The following KCTD3 variants were observed in gnomAD, a reference collection of about 807,000 sequenced individuals.
KCTD3 encodes BTB/POZ domain-containing protein KCTD3.
KCTD3 carries 41 observed loss-of-function variants against 85.8 expected under a neutral mutation model. The ratio of observed to expected loss-of-function variants is 0.48; its 90% CI spans 0.37 to 0.62. The LOEUF (loss-of-function observed/expected upper bound fraction) is 0.62. Among genes scored for constraint, KCTD3 ranks in the 20% least tolerant of loss-of-function variants. The pLI, the probability that KCTD3 is intolerant of heterozygous loss-of-function variation, is 0.00. For missense variants in KCTD3, 724 were observed against 989.9 expected (o/e 0.73, Z 3.60); for synonymous variants, 338 against 345.4 (o/e 0.98, Z 0.24).
intron 3 of KCTD3, 136 bp downstream of exon 3, chr1:215,574,254 T>C: frequency 2.0e-6 from 1 of 510,694 alleles, no homozygotes; most frequent in South Asian, 4.9e-5. Context: ...ATTTTATTTC[T>C]TGTCATATGT....
chr1:215,599,968 T>C (rs1321821923), intron 10 of KCTD3, among the ~76,000 whole-genome samples: 1 of 151,684 alleles, frequency 6.6e-6, no homozygotes, highest in East Asian at 1.9e-4. Flanking sequence ...TTTCCTGCCA[T>C]GAAGAATCTG....
chr1:215,576,050 G>T lies in KCTD3; in HGVS notation c.257+76G>T, dbSNP rs73085420. 782 of 818,766 alleles carry T rather than the reference G, an allele frequency of 9.6e-4. 6 individuals are homozygous for T. In the African/African-American group the frequency reaches 0.012, roughly 13 times the overall value. The allele number at this position is 818,766 out of a possible 1,614,324, so 50.7% of individuals were successfully genotyped here. On this transcript the variant is annotated intron_variant, in intron 4 of 17. Coordinates refer to ENST00000259154, the MANE Select transcript of KCTD3 (RefSeq NM_016121.5). ...TTTAATATGTTTTATGAAATAAAAG[G>T]TTTTTTTTGTTTGTTTTTTTTTTTC...
At chr1:215,585,455 TTTAGGCCC>T (rs1659972655) in intron 8 of KCTD3, among the ~76,000 whole-genome samples, 1 of 152,180 alleles carries the variant, frequency 6.6e-6, no homozygotes, top group South Asian at 2.1e-4. Flanking sequence ...TGTATTTTTA[TTTAGGCCC>T]TTAGGTGACC....
intron 12 of KCTD3, among the ~76,000 whole-genome samples, chr1:215,603,699 G>T (rs1429056960): frequency 2.0e-5 from 3 of 152,178 alleles, no homozygotes; most frequent in African/African-American, 7.2e-5. Context: ...TGTTTCAGTA[G>T]TGTTCTTGGC....
chr1:215,611,357 C>G (rs1655231031), intron 14 of KCTD3, among the ~76,000 whole-genome samples: 1 of 151,844 alleles, frequency 6.6e-6, no homozygotes, highest in Non-Finnish European at 1.5e-5. Flanking sequence ...ATGTGGTTAA[C>G]AGAAGCTTCA....
intron 15 of KCTD3, among the ~76,000 whole-genome samples, chr1:215,615,769 T>C (rs894737929): frequency 6.6e-5 from 10 of 152,166 alleles, no homozygotes; most frequent in African/African-American, 2.4e-4. Flanking sequence ...ATTATACTTT[T>C]ATATGACACG....
At chr1:215,577,900 C>T (rs1269665256) in intron 5 of KCTD3, 101 bp from the exon 6 acceptor site, 1 of 1,511,804 alleles carries the variant, frequency 6.6e-7, no homozygotes, top group Non-Finnish European at 9.0e-7. Context: ...TTAAAATTTT[C>T]CTTTTCTTTC....
intron 8 of KCTD3, chr1:215,581,031 A>G (rs1000447811): frequency 7.5e-5 from 33 of 440,946 alleles, no homozygotes; most frequent in Non-Finnish European, 1.2e-4. Context: ...GGAGGCCGAG[A>G]TGGGTGGAGT....
chr1:215,575,472 C>T (rs980415178), intron 3 of KCTD3, among the ~76,000 whole-genome samples: 1 of 152,112 alleles, frequency 6.6e-6, no homozygotes, highest in Non-Finnish European at 1.5e-5. Context: ...TCAAGTACCC[C>T]TGTGTGCATT....
intron 8 of KCTD3, 104 bp downstream of exon 8, chr1:215,580,103 G>C: frequency 4.2e-6 from 3 of 709,102 alleles, no homozygotes; most frequent in Non-Finnish European, 7.2e-6. Flanking sequence ...TAGTCATCAA[G>C]TTTTTTCCCT....
intron 9 of KCTD3, 32 bp downstream of exon 9, chr1:215,586,717 A>T: frequency 6.4e-7 from 1 of 1,555,702 alleles, no homozygotes; most frequent in African/African-American, 1.4e-5. Context: ...TTGCAATTTG[A>T]TGATATTAAT....
intron 14 of KCTD3, among the ~76,000 whole-genome samples, chr1:215,610,826 A>G (rs1289199437): frequency 6.6e-6 from 1 of 151,906 alleles, no homozygotes; most frequent in African/African-American, 2.4e-5. Flanking sequence ...TGTGGTTATT[A>G]TGGTGATTAA....
chr1:215,601,307 T>G (rs1050540424), intron 10 of KCTD3, among the ~76,000 whole-genome samples: 8 of 152,238 alleles, frequency 5.3e-5, no homozygotes, highest in African/African-American at 1.9e-4. Flanking sequence ...AATGAGACTT[T>G]GTTTCCCTTG....
At chr1:215,612,433 A>G (rs925211079) in intron 15 of KCTD3, among the ~76,000 whole-genome samples, 1 of 152,042 alleles carries the variant, frequency 6.6e-6, no homozygotes, top group Admixed American at 6.5e-5. Context: ...ACCTATTTCC[A>G]TCTACTTTAA....
At chr1:215,585,672 C>A (rs1375782515) in intron 8 of KCTD3, among the ~76,000 whole-genome samples, 1 of 152,118 alleles carries the variant, frequency 6.6e-6, no homozygotes, top group East Asian at 1.9e-4. Context: ...TACGTAACTG[C>A]TAAAGCTCTA....
At chr1:215,577,203 C>A (rs1411740811) in intron 4 of KCTD3, among the ~76,000 whole-genome samples, 1 of 151,334 alleles carries the variant, frequency 6.6e-6, no homozygotes, top group East Asian at 1.9e-4. Flanking sequence ...AAGCACTATG[C>A]TAGGCACTGT....
At chr1:215,613,617 G>A (rs1655312836) in intron 15 of KCTD3, among the ~76,000 whole-genome samples, 2 of 152,084 alleles carry the variant, frequency 1.3e-5, no homozygotes. Context: ...TCCTTCTAGG[G>A]TTTTTACAGT....
In KCTD3 at chr1:215,620,563, C is replaced by T. The variant is rs1201163876; in HGVS notation, c.2393C>T (p.Thr798Ile). ...GTASPSPTKT[T>I]PSPRHKKSDS... ...GCGTCCCCATCTCCTACAAAGACTA[C>T]TCCATCTCCTCGGCATAAAAAAAGT... The change falls in exon 18 of 18, where the codon ACT (threonine) becomes ATT (isoleucine). Residue 798 changes from threonine (T) to isoleucine (I), a missense_variant. This residue lies in a region of KCTD3 where 222 missense variants were observed against 217.7 expected (regional missense o/e 1.02). Transcript: ENST00000259154. 13 of 1,611,432 alleles carry T rather than the reference C, an allele frequency of 8.1e-6. No homozygotes were observed. Among genetic ancestry groups the T allele is most frequent in the Middle Eastern group, 1.7e-4 (1 of 6,044 alleles).
chr1:215,573,894 A>T, intron 2 of KCTD3, 55 bp downstream of exon 2: 3 of 1,173,590 alleles, frequency 2.6e-6, no homozygotes, highest in Non-Finnish European at 3.7e-6. Context: ...ACCAAAATAT[A>T]ATAATGTTTG....
Sources: gnomAD v4.1 joint callset for allele counts (sites outside exome capture counted in the v4.1 genomes callset) on GRCh38, gnomAD v4.1.1 for gene constraint, gnomAD v4.1.1 regional missense constraint, MANE v1.5 for transcripts, NCBI Gene and HGNC (gene_info 2026-07-23, HGNC 2026-07-21) for gene names.